The following GPC6 variants were observed in gnomAD, a reference collection of about 807,000 sequenced individuals.
The protein encoded by GPC6 is glypican 6.
In GPC6, 14 loss-of-function variants were observed where a neutral mutation model predicts 55.2. The ratio of observed to expected loss-of-function variants is 0.25; its 90% CI spans 0.17 to 0.40. GPC6 has a LOEUF of 0.40. Among genes scored for constraint, GPC6 ranks in the 10% least tolerant of loss-of-function variants. The pLI is 1.00. For missense variants in GPC6, 641 were observed against 708.5 expected (o/e 0.90, Z 1.08); for synonymous variants, 278 against 259.6 (o/e 1.07, Z -0.68).
chr13:94,272,743 C>T (rs936877054), intron 4 of GPC6, among the ~76,000 whole-genome samples: 1 of 152,084 alleles, frequency 6.6e-6, no homozygotes, highest in Non-Finnish European at 1.5e-5. Context: ...GCTGGGATTA[C>T]AGGCATGAGA....
chr13:94,141,867 A>G (rs1442018254), intron 4 of GPC6, among the ~76,000 whole-genome samples: 2 of 152,232 alleles, frequency 1.3e-5, no homozygotes, highest in African/African-American at 4.8e-5. Context: ...CACTCTTTCT[A>G]GCATGTTGCC....
intron 4 of GPC6, among the ~76,000 whole-genome samples, chr13:94,197,642 T>C (rs983967304): frequency 6.6e-6 from 1 of 152,154 alleles, no homozygotes; most frequent in African/African-American, 2.4e-5. Context: ...CTGAAGGCCC[T>C]ATCTCCAAAT....
intron 4 of GPC6, among the ~76,000 whole-genome samples, chr13:94,055,633 C>G (rs189207550): frequency 2.0e-5 from 3 of 151,952 alleles, no homozygotes; most frequent in Non-Finnish European, 2.9e-5. Flanking sequence ...AGCAAAGAAC[C>G]TTTATCACTT....
At chr13:94,187,631 G>A (rs1314991924) in intron 4 of GPC6, among the ~76,000 whole-genome samples, 1 of 152,144 alleles carries the variant, frequency 6.6e-6, no homozygotes, top group Non-Finnish European at 1.5e-5. Context: ...CTTATAGAGT[G>A]TCCACTATCG....
chr13:93,979,347 T>G (rs540279997), intron 3 of GPC6, among the ~76,000 whole-genome samples: 57 of 148,584 alleles, frequency 3.8e-4, no homozygotes, highest in East Asian at 3.2e-3. Flanking sequence ...GTGTGTGTGT[T>G]TTTTTTAATT....
At chr13:93,788,439 C>G (rs780393953) in intron 2 of GPC6, among the ~76,000 whole-genome samples, 1 of 151,914 alleles carries the variant, frequency 6.6e-6, no homozygotes, top group Non-Finnish European at 1.5e-5. Context: ...GGGACACATT[C>G]AAACCACAGC....
intron 4 of GPC6, among the ~76,000 whole-genome samples, chr13:94,082,894 G>A (rs1885149856): frequency 6.6e-6 from 1 of 152,164 alleles, no homozygotes; most frequent in Non-Finnish European, 1.5e-5. Context: ...TTCTGGGCCA[G>A]TCTGTCCACC....
chr13:94,281,303 A>T (rs1892373185), intron 4 of GPC6, among the ~76,000 whole-genome samples: 1 of 152,078 alleles, frequency 6.6e-6, no homozygotes. Flanking sequence ...CTAGGTTTTA[A>T]GCTCCACATG....
At chr13:93,539,061 C>G (rs998718566) in intron 1 of GPC6, among the ~76,000 whole-genome samples, 71 of 152,022 alleles carry the variant, frequency 4.7e-4, no homozygotes, top group Non-Finnish European at 7.4e-5. Flanking sequence ...GTATATCTCC[C>G]AATATTCTTT....
chr13:93,874,350 C>G (rs1190291364), intron 3 of GPC6, among the ~76,000 whole-genome samples: 1 of 151,810 alleles, frequency 6.6e-6, no homozygotes, highest in African/African-American at 2.4e-5. Flanking sequence ...GCCTCCAGCT[C>G]CATCCATGTT....
At chr13:93,664,074 T>A (rs1881035711) in intron 2 of GPC6, among the ~76,000 whole-genome samples, 1 of 152,172 alleles carries the variant, frequency 6.6e-6, no homozygotes, top group African/African-American at 2.4e-5. Flanking sequence ...GTTCTGAAGA[T>A]TGCTCAAAAT....
At chr13:93,810,197 G>C (rs1322229184) in intron 2 of GPC6, among the ~76,000 whole-genome samples, 2 of 152,092 alleles carry the variant, frequency 1.3e-5, no homozygotes, top group Non-Finnish European at 2.9e-5. Flanking sequence ...GAAAGAAAAA[G>C]AACTTTGTTG....
At chr13:94,280,233 A>G (rs994376687) in intron 4 of GPC6, among the ~76,000 whole-genome samples, 2 of 152,122 alleles carry the variant, frequency 1.3e-5, no homozygotes, top group African/African-American at 2.4e-5. Flanking sequence ...GTTGGTTTAA[A>G]GCCTGTTTTT....
At chr13:93,496,677 G>A (rs974356936) in intron 1 of GPC6, among the ~76,000 whole-genome samples, 2 of 152,140 alleles carry the variant, frequency 1.3e-5, no homozygotes, top group Non-Finnish European at 2.9e-5. Context: ...CAGATTGTCT[G>A]GCTCTGCCAT....
chr13:93,789,883 T>A (rs1057307509), intron 2 of GPC6, among the ~76,000 whole-genome samples: 5 of 151,910 alleles, frequency 3.3e-5, no homozygotes, highest in Non-Finnish European at 7.4e-5. Flanking sequence ...CATATACTCC[T>A]TTCTTTTTAT....
chr13:93,317,777 GAAA>G (rs1435739230), intron 1 of GPC6, among the ~76,000 whole-genome samples: 3 of 152,090 alleles, frequency 2.0e-5, no homozygotes, highest in Non-Finnish European at 2.9e-5. Flanking sequence ...AAACTTAATT[GAAA>G]TCCAACATCA....
At chr13:93,900,052 T>C (rs1876259430) in intron 3 of GPC6, among the ~76,000 whole-genome samples, 1 of 152,198 alleles carries the variant, frequency 6.6e-6, no homozygotes, top group Non-Finnish European at 1.5e-5. Context: ...ACAAAATTTC[T>C]CAGTTTCATC....
At chr13:93,829,585 G>A (rs1466932382) in intron 2 of GPC6, among the ~76,000 whole-genome samples, 3 of 152,132 alleles carry the variant, frequency 2.0e-5, no homozygotes, top group Admixed American at 6.6e-5. Context: ...GCTCATTATA[G>A]CTTTATTATG....
chr13:93,719,268 G>A (rs755111125), intron 2 of GPC6, among the ~76,000 whole-genome samples: 1 of 151,956 alleles, frequency 6.6e-6, no homozygotes, highest in Non-Finnish European at 1.5e-5. Context: ...TTGAGCAGTG[G>A]TTTGTAGTTC....
Sources: allele counts gnomAD v4.1 joint callset (sites outside exome capture counted in the v4.1 genomes callset), GRCh38; gene constraint gnomAD v4.1.1; transcripts MANE v1.5; gene names NCBI Gene and HGNC (gene_info 2026-07-23, HGNC 2026-07-21).